Variants in HPN observed in about 807,000 individuals in gnomAD.
HPN encodes the protein hepsin.
Under a neutral mutation model 55.9 loss-of-function variants are expected in HPN, and 13 were observed. The ratio of observed to expected loss-of-function variants is 0.23; its 90% CI spans 0.15 to 0.37. HPN has a LOEUF of 0.37. HPN is among the 10% of genes least tolerant of loss of function. HPN has a pLI of 1.00. For synonymous variants in HPN, 225 were observed against 240.3 expected (o/e 0.94, Z 0.59); for missense variants, 451 against 575.8 (o/e 0.78, Z 2.22).
At chr19:35,042,307 GC>G in intron 1 of HPN, 145 bp from the exon 2 acceptor site, 1 of 1,402,404 alleles carries the variant, frequency 7.1e-7, no homozygotes, top group South Asian at 1.6e-5. Context: ...CTTGAACCCA[GC>G]CCAATCTGCG....
chr19:35,041,689 C>CTAA (rs2151750442), upstream of HPN: 8 of 385,730 alleles, frequency 2.1e-5, no homozygotes, highest in South Asian at 4.2e-5. Context: ...CCCGCCCCTT[C>CTAA]ACCCGCCCCT....
rs950765664 is a variant in HPN, at chr19:35,061,617, C to CA, written c.811+808dup. On this transcript the variant is annotated intron_variant, in intron 9 of 12. Transcript: ENST00000672452. ...ATCTTGAAAATAAATAAATAAATAA[C>CA]AAAAAAAATGTGGTATATCCACACA... Among the ~76,000 whole-genome samples, 61 of 151,580 alleles carry CA rather than the reference C, an allele frequency of 4.0e-4. 1 individual carries two copies. The highest frequency in any genetic ancestry group is 1.1e-3 in the African/African-American group (46 of 41,360).
chr19:35,050,119 TTTTG>T (rs772354991), intron 4 of HPN, among the ~76,000 whole-genome samples: 15 of 152,134 alleles, frequency 9.9e-5, no homozygotes, highest in Non-Finnish European at 1.6e-4. Flanking sequence ...GAGGTAGTTT[TTTTG>T]TTTGTTTGTT....
At chr19:35,047,108 G>C (rs553112326) in intron 2 of HPN, among the ~76,000 whole-genome samples, 1 of 152,148 alleles carries the variant, frequency 6.6e-6, no homozygotes, top group Non-Finnish European at 1.5e-5. Flanking sequence ...GATTACAGGC[G>C]TGAGCCACCG....
chr19:35,056,034 T>TC (rs1403915105), intron 4 of HPN, among the ~76,000 whole-genome samples: 1 of 151,906 alleles, frequency 6.6e-6, no homozygotes, highest in African/African-American at 2.4e-5. Context: ...CCTGGAGCAC[T>TC]CCCCCCAGTC....
rs138470197 is a variant in HPN at position 35,059,992 on chromosome 19, G to C, written c.409G>C (p.Val137Leu). ...CCAGAGGCTGCTGGAGGTCATCTCC[G>C]TGTGGTGAGGAGGGCAGCGGGCAGG... ...HTQRLLEVIS[V>L]CDCPRGRFLA... The change falls in exon 6 of 13, where the codon GTG becomes CTG. Residue 137 changes from valine (V) to leucine (L), a missense_variant. Around this residue, in one of 2 missense-constraint regions of HPN, gnomAD observed 378 missense variants for 445.5 expected, o/e 0.85. Transcript: ENST00000672452. 1 of 1,583,150 alleles carries C rather than the reference G, an allele frequency of 6.3e-7. No homozygotes were observed. Among genetic ancestry groups the C allele is most frequent in the Non-Finnish European group, 8.6e-7 (1 of 1,163,342 alleles).
At chr19:35,055,764 T>G (rs1471836067) in intron 4 of HPN, among the ~76,000 whole-genome samples, 1 of 151,212 alleles carries the variant, frequency 6.6e-6, no homozygotes, top group Non-Finnish European at 1.5e-5. Context: ...ACTCACTCAC[T>G]TAACCGGCAA....
intron 2 of HPN, among the ~76,000 whole-genome samples, chr19:35,045,645 C>G (rs945530157): frequency 6.6e-6 from 1 of 151,058 alleles, no homozygotes; most frequent in Non-Finnish European, 1.5e-5. Flanking sequence ...TTGATGTTGA[C>G]GTGCCGCCTG....
chr19:35,047,745 A>G (rs1055960116), intron 2 of HPN, among the ~76,000 whole-genome samples: 4 of 151,928 alleles, frequency 2.6e-5, no homozygotes, highest in African/African-American at 7.3e-5. Flanking sequence ...TGCAATTCCA[A>G]CACTTTGTTT....
At chr19:35,055,452 C>T (rs1429969381) in intron 4 of HPN, among the ~76,000 whole-genome samples, 1 of 151,870 alleles carries the variant, frequency 6.6e-6, no homozygotes, top group Non-Finnish European at 1.5e-5. Context: ...AAGAGGTTCA[C>T]AGCTGATCTC....
At position 35,059,928 on chromosome 19, in the gene HPN, G is replaced by A. The variant is rs1289518923; in HGVS notation, c.345G>A (p.Ser115=). ...DVRTAGANGT[S]GFFCVDEGRL... ...GAACGGCGGGCGCCAATGGCACGTC[G>A]GGCTTCTTCTGTGTGGACGAGGGGA... The change falls in exon 6 of 13, where the codon TCG becomes TCA. Residue 115 remains serine (S), a synonymous_variant. Transcript: ENST00000672452. 7.9e-6 allele frequency: 12 copies of A among 1,519,416 alleles called. No individual in the cohort carries two copies. The highest frequency in any genetic ancestry group is 1.4e-5 in the African/African-American group (1 of 72,344). 94.1% of individuals were successfully genotyped at this position (1,519,416 alleles called of 1,614,324 possible).
In HPN at chr19:35,065,655, C is replaced by T. The variant is rs763879693; in HGVS notation, c.1024C>T (p.Pro342Ser). Residue 342 changes from proline (P) to serine (S), a missense_variant, in exon 11 of 13, where the codon CCC becomes TCC. By Grantham distance (74) the Pro-to-Ser change is moderately conservative (BLOSUM62 -1). Around this residue, in one of 2 missense-constraint regions of HPN, gnomAD observed 73 missense variants for 130.3 expected, o/e 0.56. Transcript: ENST00000672452. ...GCCCAAGATGTTCTGTGCTGGCTACCCCGAGGGTGGCATTGATGCCTGCCA... is the reference window on the plus strand; with the variant it reads ...GCCCAAGATGTTCTGTGCTGGCTACTCCGAGGGTGGCATTGATGCCTGCCA... The part of the protein sequence containing the change: ...IKPKMFCAGY[P>S]EGGIDACQGD... The T allele has an allele frequency of 8.7e-6, 14 of 1,614,036 alleles. 1 individual carries two copies. The highest frequency in any genetic ancestry group is 8.5e-6 in the Non-Finnish European group (10 of 1,180,022).
intron 4 of HPN, among the ~76,000 whole-genome samples, chr19:35,052,799 G>T (rs2064418289): frequency 1.3e-5 from 2 of 152,150 alleles, no homozygotes; most frequent in Admixed American, 1.3e-4. Context: ...CTGGCACATA[G>T]TAGGTTCTCA....
intron 9 of HPN, among the ~76,000 whole-genome samples, chr19:35,061,866 G>T (rs1359278755): frequency 1.3e-5 from 2 of 152,054 alleles, no homozygotes; most frequent in African/African-American, 4.8e-5. Flanking sequence ...AGGAGTTTAA[G>T]ACCAGCCTGG....
chr19:35,056,048 C>G (rs913473545), intron 4 of HPN, among the ~76,000 whole-genome samples: 8 of 152,174 alleles, frequency 5.3e-5, no homozygotes, highest in African/African-American at 1.9e-4. Context: ...CCCAGTCCCC[C>G]ACACCAGCCT....
upstream of HPN, among the ~76,000 whole-genome samples, chr19:35,041,350 G>A (rs62122158): frequency 0.074 from 11,202 of 152,140 alleles, 526 homozygotes; most frequent in East Asian, 0.15. Flanking sequence ...GCAAGTGGCG[G>A]GCACAGCCAG....
intron 6 of HPN, 35 bp downstream of exon 6, chr19:35,060,031 C>G: frequency 6.2e-7 from 1 of 1,610,492 alleles, no homozygotes; most frequent in Non-Finnish European, 8.5e-7. Flanking sequence ...GGCAACACCT[C>G]AGACCCCCAA....
chr19:35,046,645 C>T (rs1294718814), intron 2 of HPN, among the ~76,000 whole-genome samples: 2 of 152,208 alleles, frequency 1.3e-5, no homozygotes, highest in Admixed American at 6.5e-5. Flanking sequence ...GCCGGGTTCA[C>T]CAGCCACATC....
intron 2 of HPN, among the ~76,000 whole-genome samples, chr19:35,048,064 G>GAA (rs763630213): frequency 7.5e-5 from 4 of 53,490 alleles, no homozygotes; most frequent in African/African-American, 4.2e-4. Flanking sequence ...AAGAAAGAAA[G>GAA]AAAGAAAGAA....
Sources: gnomAD v4.1 joint callset for allele counts (sites outside exome capture counted in the v4.1 genomes callset) on GRCh38, gnomAD v4.1.1 for gene constraint, gnomAD v4.1.1 regional missense constraint, MANE v1.5 for transcripts, NCBI Gene and HGNC (gene_info 2026-07-23, HGNC 2026-07-21) for gene names.